The following PCDH11X variants were observed in gnomAD, a reference collection of about 807,000 sequenced individuals.
The protein encoded by PCDH11X is protocadherin 11 X-linked.
In PCDH11X, 18 loss-of-function variants were observed where a neutral mutation model predicts 53.3. The observed-to-expected ratio is 0.34, with a 90% CI of 0.23 to 0.50. The LOEUF (loss-of-function observed/expected upper bound fraction) is 0.50. PCDH11X is among the 20% of genes least tolerant of loss of function. The pLI is 0.98. For synonymous variants in PCDH11X, 279 were observed against 393.3 expected, an observed-to-expected ratio of 0.71 and a Z score of 3.44; for missense variants, 570 against 1,032.4, an observed-to-expected ratio of 0.55 and a Z score of 6.14.
chrX:92,493,185 C>G (rs1331096861), intron 10 of PCDH11X, among the ~76,000 whole-genome samples: 1 of 110,973 alleles, frequency 9.0e-6, no homozygotes, highest in Non-Finnish European at 1.9e-5. Context: ...CTGTATGAGA[C>G]TACAGTAAAG....
intron 8 of PCDH11X, among the ~76,000 whole-genome samples, chrX:92,386,777 A>C (rs1163791942): frequency 3.9e-5 from 4 of 103,173 alleles, no homozygotes; most frequent in African/African-American, 1.4e-4. Context: ...ACAGTATGGC[A>C]TGCTCCCAGT....
chrX:92,001,472 CTTT>C (rs57766143), intron 6 of PCDH11X, among the ~76,000 whole-genome samples: 1 of 91,805 alleles, frequency 1.1e-5, no homozygotes. Flanking sequence ...TTTTTTCTTT[CTTT>C]TTTTTTTTTT....
At position 92,427,867 on chromosome X, in the gene PCDH11X, T is replaced by C. The variant is rs1167649102; in HGVS notation, c.3343+39934T>C. ...TAATCTAAATTATATTATATTTGCA[T>C]AGTCTAAATTATATTATGTATGGCA... On this transcript the variant is annotated intron_variant, in intron 9 of 10. Coordinates refer to ENST00000682573, the MANE Select transcript of PCDH11X (RefSeq NM_032968.5). 6.4e-5 allele frequency among the ~76,000 whole-genome samples: 2 copies of C among 31,388 alleles called. 1 individual carries two copies. Among genetic ancestry groups the C allele is most frequent in the African/African-American group, 2.9e-4 (2 of 6,984 alleles). The allele number at this position is 31,388 out of a possible 115,157, so 27.3% of individuals were successfully genotyped here.
chrX:92,043,030 T>C (rs1050051286), intron 6 of PCDH11X, among the ~76,000 whole-genome samples: 1 of 109,698 alleles, frequency 9.1e-6, no homozygotes, highest in Admixed American at 9.9e-5. Flanking sequence ...TTCGATATAT[T>C]AGATATTTTT....
intron 6 of PCDH11X, among the ~76,000 whole-genome samples, chrX:92,098,917 G>A (rs780502979): frequency 9.0e-6 from 1 of 111,111 alleles, no homozygotes; most frequent in East Asian, 2.8e-4. Flanking sequence ...AAAGTGCTGG[G>A]ATTACAGGCC....
intron 6 of PCDH11X, among the ~76,000 whole-genome samples, chrX:92,134,291 G>T (rs1417622962): frequency 3.6e-5 from 4 of 110,026 alleles, no homozygotes; most frequent in Non-Finnish European, 7.6e-5. Context: ...TTGTTTGTTT[G>T]TTTTTTTAAT....
intron 8 of PCDH11X, among the ~76,000 whole-genome samples, chrX:92,268,822 A>G (rs2067889604): frequency 8.9e-6 from 1 of 112,073 alleles, no homozygotes; most frequent in African/African-American, 3.2e-5. Context: ...CAAGACTTAC[A>G]CTTATCAGCC....
intron 9 of PCDH11X, among the ~76,000 whole-genome samples, chrX:92,406,310 G>A (rs1407104547): frequency 8.5e-5 from 9 of 106,476 alleles, no homozygotes; most frequent in African/African-American, 2.8e-4. Context: ...TTATTTTAGC[G>A]GTGGCATGGT....
At chrX:92,537,943 A>T (rs1311280056) in intron 10 of PCDH11X, among the ~76,000 whole-genome samples, 22 of 105,326 alleles carry the variant, frequency 2.1e-4, no homozygotes, top group Non-Finnish European at 1.9e-5. Flanking sequence ...ATCTGCAAAC[A>T]AAGGTAATTT....
At chrX:92,103,513 C>A (rs1264076139) in intron 6 of PCDH11X, among the ~76,000 whole-genome samples, 2 of 111,453 alleles carry the variant, frequency 1.8e-5, no homozygotes, top group Non-Finnish European at 3.8e-5. Flanking sequence ...AGTCTTCAGC[C>A]GGTAAGCCAA....
At chrX:91,857,455 A>G (rs1203188338) in intron 5 of PCDH11X, among the ~76,000 whole-genome samples, 2 of 111,484 alleles carry the variant, frequency 1.8e-5, no homozygotes, top group Admixed American at 1.9e-4. Context: ...CAAAGTCTTA[A>G]CTTATTTCAA....
intron 1 of PCDH11X, among the ~76,000 whole-genome samples, chrX:91,792,419 T>C (rs988039048): frequency 3.6e-5 from 4 of 110,572 alleles, no homozygotes; most frequent in Middle Eastern, 9.4e-3. Flanking sequence ...GATCTTAGAA[T>C]GAGTTTAATT....
intron 6 of PCDH11X, among the ~76,000 whole-genome samples, chrX:92,073,114 C>A (rs1161671511): frequency 1.8e-5 from 2 of 111,292 alleles, no homozygotes; most frequent in Non-Finnish European, 3.8e-5. Flanking sequence ...AGTCACTGCT[C>A]TCTGTCTTCC....
chrX:91,800,038 G>C (rs1247758449), intron 1 of PCDH11X, among the ~76,000 whole-genome samples: 1 of 112,581 alleles, frequency 8.9e-6, no homozygotes, highest in Non-Finnish European at 1.9e-5. Flanking sequence ...GCAGTGAGCC[G>C]AGACCGCGCC....
chrX:92,410,152 T>A (rs1413264826), intron 9 of PCDH11X, among the ~76,000 whole-genome samples: 1 of 111,425 alleles, frequency 9.0e-6, no homozygotes, highest in South Asian at 3.8e-4. Context: ...TAAAGAAATA[T>A]CTCTTATGCA....
At chrX:92,392,251 A>G (rs913673319) in intron 9 of PCDH11X, among the ~76,000 whole-genome samples, 1 of 111,309 alleles carries the variant, frequency 9.0e-6, no homozygotes, top group Admixed American at 9.6e-5. Flanking sequence ...AGTTTCAAGA[A>G]CATTTAGGGC....
intron 6 of PCDH11X, among the ~76,000 whole-genome samples, chrX:92,071,427 C>T (rs1300707780): frequency 8.9e-6 from 1 of 111,753 alleles, no homozygotes; most frequent in Non-Finnish European, 1.9e-5. Flanking sequence ...TCTGAAACAT[C>T]ATATATCTCT....
intron 6 of PCDH11X, among the ~76,000 whole-genome samples, chrX:92,201,044 C>G (rs1012173495): frequency 9.0e-6 from 1 of 111,085 alleles, no homozygotes; most frequent in Non-Finnish European, 1.9e-5. Context: ...TCCCAAAGCA[C>G]TGGGGTTACA....
At chrX:92,050,757 A>G (rs2063356876) in intron 6 of PCDH11X, among the ~76,000 whole-genome samples, 1 of 110,145 alleles carries the variant, frequency 9.1e-6, no homozygotes, top group Admixed American at 9.8e-5. Context: ...GTTAACGAAT[A>G]ATACATATTT....
Sources: gnomAD v4.1 joint callset for allele counts (sites outside exome capture counted in the v4.1 genomes callset) on GRCh38, gnomAD v4.1.1 for gene constraint, MANE v1.5 for transcripts, NCBI Gene and HGNC (gene_info 2026-07-23, HGNC 2026-07-21) for gene names.